Variants in CDK8 observed in about 807,000 individuals in gnomAD.
CDK8 encodes cyclin dependent kinase 8, also known as cyclin-dependent kinase 8.
CDK8 carries 29 observed loss-of-function variants against 71.5 expected under a neutral mutation model. The ratio of observed to expected loss-of-function variants is 0.41; its 90% CI spans 0.30 to 0.55. The LOEUF (loss-of-function observed/expected upper bound fraction) is 0.55, where lower values mean the gene tolerates loss of function less well. Among genes scored for constraint, CDK8 ranks in the 20% least tolerant of loss-of-function variants. The probability of loss-of-function intolerance (pLI) is 0.37; values close to 1 mark genes in which losing one functional copy is unlikely to be tolerated. For missense variants in CDK8, 288 were observed against 572.6 expected (o/e 0.50, Z 5.07); for synonymous variants, 161 against 192.1 (o/e 0.84, Z 1.34).
At chr13:26,364,091 G>C (rs1874269853) in intron 4 of CDK8, among the ~76,000 whole-genome samples, 1 of 152,174 alleles carries the variant, frequency 6.6e-6, no homozygotes, top group African/African-American at 2.4e-5. Flanking sequence ...GAGAAGCAAA[G>C]AGGCTAAATG....
intron 1 of CDK8, among the ~76,000 whole-genome samples, chr13:26,314,838 A>G (rs1874436626): frequency 6.6e-6 from 1 of 152,240 alleles, no homozygotes; most frequent in Non-Finnish European, 1.5e-5. Context: ...CAAATATTGT[A>G]TTAGTAATAT....
intron 1 of CDK8, among the ~76,000 whole-genome samples, chr13:26,292,066 T>G (rs1252226187): frequency 6.6e-6 from 1 of 152,232 alleles, no homozygotes. Flanking sequence ...ATAGAATGTA[T>G]ATAAACAAAG....
intron 3 of CDK8, among the ~76,000 whole-genome samples, chr13:26,350,548 G>T (rs1417520047): frequency 2.0e-5 from 3 of 152,176 alleles, no homozygotes; most frequent in African/African-American, 7.2e-5. Context: ...AGCTCAGGAA[G>T]TCGAGGCTGC....
At chr13:26,317,823 A>G (rs1486967246) in intron 1 of CDK8, among the ~76,000 whole-genome samples, 4 of 152,164 alleles carry the variant, frequency 2.6e-5, no homozygotes, top group African/African-American at 9.7e-5. Flanking sequence ...ATAGCTATAA[A>G]CGCCTACCTT....
In CDK8 at chr13:26,292,898, C is replaced by G. The variant is rs7981932; in HGVS notation, c.128+38129C>G. On this transcript the variant is annotated intron_variant, in intron 1 of 12. Transcript: ENST00000381527. ...GCTTAAGAACTCTTATGTTTCTTCA[C>G]TTTAAATTTCCATTTTTCTGAACTT... Among the ~76,000 whole-genome samples the G allele has an allele frequency of 4.6e-3, 708 of 152,260 alleles. 6 individuals are homozygous for G. The highest frequency in any genetic ancestry group is 0.016 in the African/African-American group (659 of 41,540).
intron 1 of CDK8, among the ~76,000 whole-genome samples, chr13:26,322,769 T>C (rs1310219560): frequency 1.3e-5 from 2 of 152,166 alleles, no homozygotes; most frequent in African/African-American, 4.8e-5. Flanking sequence ...TCCCTTCCAA[T>C]GTGTACTGCT....
intron 2 of CDK8, among the ~76,000 whole-genome samples, chr13:26,338,623 G>C (rs1313049051): frequency 6.6e-6 from 1 of 152,074 alleles, no homozygotes; most frequent in African/African-American, 2.4e-5. Flanking sequence ...GGAGGATATT[G>C]TTAACCAAAG....
At chr13:26,320,924 T>A (rs1175708) in intron 1 of CDK8, among the ~76,000 whole-genome samples, 1 of 152,060 alleles carries the variant, frequency 6.6e-6, no homozygotes, top group East Asian at 1.9e-4. Context: ...CTGTTGGTGG[T>A]GATGTTAAAT....
At chr13:26,344,642 C>T (rs1593277340) in intron 2 of CDK8, among the ~76,000 whole-genome samples, 1 of 152,082 alleles carries the variant, frequency 6.6e-6, no homozygotes, top group East Asian at 1.9e-4. Context: ...TGGTGCATGC[C>T]TGTGGAGGCT....
At chr13:26,335,681 T>G (rs1485588170) in intron 1 of CDK8, among the ~76,000 whole-genome samples, 1 of 152,128 alleles carries the variant, frequency 6.6e-6, no homozygotes, top group East Asian at 1.9e-4. Flanking sequence ...AATCATTGTC[T>G]TTAACTTCTT....
intron 4 of CDK8, among the ~76,000 whole-genome samples, chr13:26,376,432 A>C (rs1399906595): frequency 6.6e-6 from 1 of 152,212 alleles, no homozygotes; most frequent in Middle Eastern, 3.2e-3. Flanking sequence ...CTTTTCAAAA[A>C]TGCAATTAAT....
At chr13:26,287,695 C>T (rs1037893187) in intron 1 of CDK8, among the ~76,000 whole-genome samples, 4 of 151,890 alleles carry the variant, frequency 2.6e-5, no homozygotes, top group Non-Finnish European at 5.9e-5. Context: ...AACCACACAC[C>T]GCCTGTTCCC....
At chr13:26,274,002 G>A (rs1872452036) in intron 1 of CDK8, among the ~76,000 whole-genome samples, 1 of 151,942 alleles carries the variant, frequency 6.6e-6, no homozygotes, top group African/African-American at 2.4e-5. Context: ...TTTAATGTCT[G>A]TATTTATTGT....
At position 26,358,297 on chromosome 13, in the gene CDK8, T is replaced by A. The variant is rs553528140; in HGVS notation, c.456+4417T>A. The stretch of plus-strand genomic sequence containing the variant: ...CTGGGCAACAGAGCAAGACTCCGTC[T>A]CAAAAAAAAATAAAAAATAAAAAAG... On this transcript the variant is annotated intron_variant, in intron 4 of 12. Transcript: ENST00000381527. Among the ~76,000 whole-genome samples, 3 of 151,586 alleles carry A rather than the reference T, an allele frequency of 2.0e-5. No homozygotes were observed. In the South Asian group the frequency reaches 6.3e-4, roughly 32 times the overall value.
At chr13:26,371,436 A>T (rs564193347) in intron 4 of CDK8, among the ~76,000 whole-genome samples, 2 of 152,176 alleles carry the variant, frequency 1.3e-5, no homozygotes, top group African/African-American at 4.8e-5. Context: ...TTGGAGAACT[A>T]TCAGTCTGAA....
At chr13:26,343,919 C>T (rs916272957) in intron 2 of CDK8, among the ~76,000 whole-genome samples, 4 of 151,480 alleles carry the variant, frequency 2.6e-5, no homozygotes, top group African/African-American at 9.7e-5. Flanking sequence ...CTTTTAGGTT[C>T]AGGGGGCACA....
At chr13:26,339,442 C>CT (rs1298866708) in intron 2 of CDK8, among the ~76,000 whole-genome samples, 5 of 151,952 alleles carry the variant, frequency 3.3e-5, no homozygotes, top group Admixed American at 2.6e-4. Flanking sequence ...ATTGTTCTCT[C>CT]TGTCTAGCCT....
chr13:26,257,802 AAAAC>A (rs1387093692), intron 1 of CDK8, among the ~76,000 whole-genome samples: 5 of 152,218 alleles, frequency 3.3e-5, no homozygotes, highest in African/African-American at 1.2e-4. Context: ...TCAAAAAAGA[AAAAC>A]AAAAGGCATT....
At chr13:26,322,615 G>A (rs892840083) in intron 1 of CDK8, among the ~76,000 whole-genome samples, 9 of 152,228 alleles carry the variant, frequency 5.9e-5, no homozygotes, top group African/African-American at 1.9e-4. Flanking sequence ...ACTACTATTA[G>A]GCAGCCAAGG....
Sources: gnomAD v4.1 joint callset for allele counts (sites outside exome capture counted in the v4.1 genomes callset) on GRCh38, gnomAD v4.1.1 for gene constraint, MANE v1.5 for transcripts, NCBI Gene and HGNC (gene_info 2026-07-23, HGNC 2026-07-21) for gene names.